APBB2: variants seen among roughly 807,000 people sequenced by gnomAD.
APBB2 encodes the protein amyloid beta precursor protein binding family B member 2, also known as Fe65-like 1.
Under a neutral mutation model 82.5 loss-of-function variants are expected in APBB2, and 38 were observed. That is an observed-to-expected ratio of 0.46 (90% confidence interval 0.36 to 0.60). The LOEUF is 0.60. Ranked by LOEUF, APBB2 falls within the 20% of genes least tolerant of loss-of-function variation. APBB2 has a pLI of 0.00. For missense variants in APBB2, 772 were observed against 972.3 expected (o/e 0.79, Z 2.74); for synonymous variants, 341 against 368.2 (o/e 0.93, Z 0.85).
chr4:41,002,110 G>T (rs1385744632), intron 6 of APBB2, among the ~76,000 whole-genome samples: 1 of 152,056 alleles, frequency 6.6e-6, no homozygotes, highest in Non-Finnish European at 1.5e-5. Flanking sequence ...GCACCCAAGG[G>T]TTCTAATGAG....
At chr4:41,183,818 T>C (rs193029665) in intron 1 of APBB2, among the ~76,000 whole-genome samples, 1,676 of 123,426 alleles carry the variant, frequency 0.014, 25 homozygotes, top group African/African-American at 0.047. Flanking sequence ...AATTTTTCTA[T>C]GGACTGGGGG....
At chr4:40,911,400 T>TA (rs1192104950) in intron 10 of APBB2, among the ~76,000 whole-genome samples, 2 of 152,182 alleles carry the variant, frequency 1.3e-5, no homozygotes, top group Non-Finnish European at 2.9e-5. Context: ...TGGTACCTGG[T>TA]AAGCATACAA....
At chr4:41,213,798 GGGGGAAAAGGAA>G (rs1189091563) in intron 1 of APBB2, among the ~76,000 whole-genome samples, 1 of 152,186 alleles carries the variant, frequency 6.6e-6, no homozygotes, top group African/African-American at 2.4e-5. Flanking sequence ...CTGCCACCGA[GGGGGAAAAGGAA>G]CTTTTCCCCC....
At chr4:40,874,520 G>T (rs890012977) in intron 12 of APBB2, among the ~76,000 whole-genome samples, 4 of 152,112 alleles carry the variant, frequency 2.6e-5, no homozygotes, top group African/African-American at 7.2e-5. Flanking sequence ...GGGCAGGGCG[G>T]GGGGTGGAGA....
Position 41,203,122 on chromosome 4 carries a change from GAAGAA to G in APBB2, c.-417+11278_-417+11282del, listed in dbSNP as rs1285426785. On this transcript the variant is annotated intron_variant, in intron 1 of 17. Transcript: ENST00000508593. ...ATCCACATGTTTTCAGAACTAAGAG[GAAGAA>G]AAGATAAAAATTCAATAAAACACCT... Among the ~76,000 whole-genome samples, 120 of 151,232 alleles carry G rather than the reference GAAGAA, an allele frequency of 7.9e-4. 3 individuals are homozygous for G. The highest frequency in any genetic ancestry group is 4.0e-4 in the Non-Finnish European group (27 of 67,896).
chr4:40,857,566 G>T (rs560284492), intron 12 of APBB2, among the ~76,000 whole-genome samples: 157 of 152,224 alleles, frequency 1.0e-3, no homozygotes, highest in African/African-American at 3.7e-3. Flanking sequence ...CGCTTCCCAG[G>T]TTCAAGCGAT....
intron 5 of APBB2, among the ~76,000 whole-genome samples, chr4:41,032,901 C>T (rs1207598410): frequency 6.7e-6 from 1 of 148,270 alleles, no homozygotes; most frequent in African/African-American, 2.5e-5. Context: ...TCTCCTGCCT[C>T]AGCCTCCCGT....
chr4:41,182,600 C>T (rs995717341), intron 1 of APBB2, among the ~76,000 whole-genome samples: 1 of 152,194 alleles, frequency 6.6e-6, no homozygotes, highest in Non-Finnish European at 1.5e-5. Context: ...TGTTTTCACA[C>T]TGCTATGAAG....
chr4:40,982,779 CCT>C (rs1050539513), intron 6 of APBB2, among the ~76,000 whole-genome samples: 8 of 132,836 alleles, frequency 6.0e-5, no homozygotes, highest in Non-Finnish European at 1.2e-4. Context: ...CAACAGAGAC[CCT>C]GTCTCAAAAA....
chr4:41,182,677 G>A (rs982899629), intron 1 of APBB2, among the ~76,000 whole-genome samples: 1 of 152,116 alleles, frequency 6.6e-6, no homozygotes, highest in African/African-American at 2.4e-5. Flanking sequence ...AGCATGGCTG[G>A]GAGGCCTCAG....
intron 12 of APBB2, among the ~76,000 whole-genome samples, chr4:40,865,966 G>T (rs1052167440): frequency 1.3e-5 from 2 of 152,222 alleles, no homozygotes; most frequent in Non-Finnish European, 2.9e-5. Context: ...CCAACTGCTG[G>T]TGAGGATGCG....
chr4:41,001,875 C>T (rs1317743563), intron 6 of APBB2, among the ~76,000 whole-genome samples: 2 of 143,506 alleles, frequency 1.4e-5, no homozygotes, highest in Non-Finnish European at 3.0e-5. Context: ...GAGACTCCGC[C>T]TCAAAAAAAA....
chr4:40,921,398 C>T (rs1223691368), intron 10 of APBB2, among the ~76,000 whole-genome samples: 2 of 152,204 alleles, frequency 1.3e-5, no homozygotes, highest in Admixed American at 6.5e-5. Flanking sequence ...AACTTCATCT[C>T]CCCTGCATGG....
chr4:40,887,255 C>T (rs1322312200), intron 12 of APBB2, among the ~76,000 whole-genome samples: 1 of 152,210 alleles, frequency 6.6e-6, no homozygotes, highest in East Asian at 1.9e-4. Context: ...GAAAATGTCA[C>T]ATCCAAAATA....
intron 1 of APBB2, among the ~76,000 whole-genome samples, chr4:41,174,526 T>C (rs1013562555): frequency 6.6e-6 from 1 of 151,924 alleles, no homozygotes; most frequent in African/African-American, 2.4e-5. Context: ...ATGTGTGGTC[T>C]AGGTGGGTGC....
chr4:41,079,658 C>T (rs1488882776), intron 3 of APBB2, among the ~76,000 whole-genome samples: 4 of 151,888 alleles, frequency 2.6e-5, no homozygotes, highest in South Asian at 4.2e-4. Context: ...AAGTGATTCT[C>T]CTGCCCCACC....
intron 1 of APBB2, among the ~76,000 whole-genome samples, chr4:41,190,220 A>G (rs977222597): frequency 1.1e-4 from 17 of 151,316 alleles, no homozygotes; most frequent in African/African-American, 3.9e-4. Flanking sequence ...TACTATATCA[A>G]AAGAATTTCC....
At chr4:41,160,134 C>T (rs184476405) in intron 1 of APBB2, among the ~76,000 whole-genome samples, 21 of 152,196 alleles carry the variant, frequency 1.4e-4, no homozygotes, top group Non-Finnish European at 2.8e-4. Flanking sequence ...ATTCAGACAA[C>T]AGTAATGCAG....
At chr4:40,921,111 C>T in intron 10 of APBB2, among the ~76,000 whole-genome samples, 1 of 152,200 alleles carries the variant, frequency 6.6e-6, no homozygotes, top group East Asian at 1.9e-4. Context: ...AGGCTCGTGG[C>T]AGCATTTCCA....
Sources: gnomAD v4.1 joint callset for allele counts (sites outside exome capture counted in the v4.1 genomes callset) on GRCh38, gnomAD v4.1.1 for gene constraint, MANE v1.5 for transcripts, NCBI Gene and HGNC (gene_info 2026-07-23, HGNC 2026-07-21) for gene names.